Variants in ZMYM2 observed in about 807,000 individuals in gnomAD.
ZMYM2 encodes zinc finger MYM-type containing 2.
A neutral mutation model predicts 162.8 loss-of-function variants in ZMYM2; 56 were observed. That is an observed-to-expected ratio of 0.34 (90% confidence interval 0.28 to 0.43). ZMYM2 has a LOEUF of 0.43. Among genes scored for constraint, ZMYM2 ranks in the 20% least tolerant of loss-of-function variants. ZMYM2 has a pLI of 1.00. For missense variants in ZMYM2, 1,275 were observed against 1,621.8 expected (o/e 0.79, Z 3.67); for synonymous variants, 510 against 541.6 (o/e 0.94, Z 0.81).
intron 19 of ZMYM2, 116 bp downstream of exon 19, chr13:20,064,661 T>C (rs1956531950): frequency 1.8e-6 from 1 of 550,832 alleles, no homozygotes. Context: ...GGTTGGAAAA[T>C]AATTTATTTT....
intron 12 of ZMYM2, among the ~76,000 whole-genome samples, chr13:20,042,477 A>G (rs1954350030): frequency 6.6e-6 from 1 of 152,026 alleles, no homozygotes; most frequent in Non-Finnish European, 1.5e-5. Context: ...CCTTGGATTG[A>G]GTTTCAGTGT....
chr13:19,974,098 C>G (rs1245316463), intron 2 of ZMYM2, among the ~76,000 whole-genome samples: 2 of 152,134 alleles, frequency 1.3e-5, no homozygotes, highest in Non-Finnish European at 2.9e-5. Flanking sequence ...CTAATCAAAT[C>G]CCAGTATATT....
chr13:20,056,342 A>T (rs1484890358), intron 14 of ZMYM2, among the ~76,000 whole-genome samples: 1 of 152,204 alleles, frequency 6.6e-6, no homozygotes, highest in Non-Finnish European at 1.5e-5. Context: ...CTTAGCCTTC[A>T]AAGTTTTATT....
the ZMYM2 span, among the ~76,000 whole-genome samples, chr13:19,948,062 A>G: frequency 6.6e-6 from 1 of 152,154 alleles, no homozygotes; most frequent in Non-Finnish European, 1.5e-5. Context: ...AGATACCACT[A>G]TATACCTATC....
chr13:20,003,166 T>C lies in ZMYM2; in HGVS notation c.1133+31T>C, dbSNP rs577616940. On this transcript the variant is annotated intron_variant, in intron 4 of 24. Coordinates refer to ENST00000610343, the MANE Select transcript of ZMYM2 (RefSeq NM_197968.4). Reference sequence around the variant, plus strand: ...GTTTACCTTTCAACATAATTACATATAGTTGAATTTTGGAGTTGTAAAATT... The same window carrying C: ...GTTTACCTTTCAACATAATTACATACAGTTGAATTTTGGAGTTGTAAAATT... 4.4e-6 allele frequency: 7 copies of C among 1,577,836 alleles called. No individual in the cohort carries two copies. In the African/African-American group the frequency reaches 9.5e-5, roughly 22 times the overall value.
chr13:19,896,673 C>T, the ZMYM2 span, among the ~76,000 whole-genome samples: 2 of 145,366 alleles, frequency 1.4e-5, no homozygotes, highest in African/African-American at 5.2e-5. Flanking sequence ...AGGAGGATGG[C>T]GAGAACCTGG....
chr13:19,891,001 A>T, the ZMYM2 span, among the ~76,000 whole-genome samples: 164 of 152,050 alleles, frequency 1.1e-3, 3 homozygotes, highest in African/African-American at 3.9e-3. Flanking sequence ...CTACTTTGTA[A>T]AATTGGAGAT....
chr13:19,935,969 G>A, the ZMYM2 span, among the ~76,000 whole-genome samples: 3 of 152,134 alleles, frequency 2.0e-5, no homozygotes, highest in East Asian at 1.9e-4. Flanking sequence ...ATCAGAAAAC[G>A]TTATGCTAGT....
At chr13:19,884,421 CA>C in the ZMYM2 span, among the ~76,000 whole-genome samples, 1 of 151,954 alleles carries the variant, frequency 6.6e-6, no homozygotes, top group Non-Finnish European at 1.5e-5. Context: ...ACTAACGATA[CA>C]AAAAAATAAG....
chr13:20,059,569 C>A lies in ZMYM2; in HGVS notation c.2739+7C>A. 8.9e-7 allele frequency: 1 copy of A among 1,124,150 alleles called. No homozygotes were observed. The highest frequency in any genetic ancestry group is 1.2e-5 in the South Asian group (1 of 81,038). The allele number at this position is 1,124,150 out of a possible 1,614,324, so 69.6% of individuals were successfully genotyped here. On this transcript the variant is annotated splice_region_variant and intron_variant, in intron 16 of 24. Coordinates refer to ENST00000610343, the MANE Select transcript of ZMYM2 (RefSeq NM_197968.4). ...TACTACAGTTCCTGTTCCTGTAAGT[C>A]ACATTTTAAGTTCTTTCTCATTTTG...
the ZMYM2 span, among the ~76,000 whole-genome samples, chr13:19,917,978 G>A: frequency 6.6e-6 from 1 of 152,024 alleles, no homozygotes; most frequent in Admixed American, 6.6e-5. Flanking sequence ...GATCACTTGA[G>A]TCCGGGAGAT....
chr13:19,920,453 G>A, the ZMYM2 span, among the ~76,000 whole-genome samples: 6 of 151,752 alleles, frequency 4.0e-5, no homozygotes, highest in South Asian at 1.3e-3. Flanking sequence ...AGCAGGCAGA[G>A]TTTTGTATCA....
chr13:20,085,812 G>A lies in ZMYM2; in HGVS notation c.3942-10G>A, dbSNP rs181045312. On this transcript the variant is annotated splice_polypyrimidine_tract_variant and intron_variant, in intron 24 of 24. Coordinates refer to ENST00000610343, the MANE Select transcript of ZMYM2 (RefSeq NM_197968.4). Reference sequence around the variant, plus strand: ...ATTGACTTTTTCTCTTTTTCCTCCCGCCTCCAAAGTCCACAGAATCTTAAT... The same window carrying A: ...ATTGACTTTTTCTCTTTTTCCTCCCACCTCCAAAGTCCACAGAATCTTAAT... 147 of 1,564,072 alleles carry A rather than the reference G, an allele frequency of 9.4e-5. No homozygotes were observed. The Admixed American group carries it at 9.9e-4, about 10-fold the overall frequency.
intron 6 of ZMYM2, among the ~76,000 whole-genome samples, chr13:20,014,375 A>G (rs2140097946): frequency 6.6e-6 from 1 of 152,240 alleles, no homozygotes; most frequent in Middle Eastern, 3.4e-3. Flanking sequence ...CCCGGCCAGG[A>G]CATTTTTGAT....
intron 7 of ZMYM2, chr13:20,019,848 C>G (rs1046245346): frequency 2.2e-6 from 1 of 457,936 alleles, no homozygotes; most frequent in Non-Finnish European, 4.0e-6. Flanking sequence ...TATTTATGTT[C>G]TTAGGAAATT....
At chr13:19,962,515 A>ATT (rs1166788980) in intron 2 of ZMYM2, among the ~76,000 whole-genome samples, 621 of 39,022 alleles carry the variant, frequency 0.016, 45 homozygotes, top group East Asian at 0.086. Flanking sequence ...ATATATATAT[A>ATT]TTTTTTTTTT....
the ZMYM2 span, among the ~76,000 whole-genome samples, chr13:19,952,094 T>C: frequency 0.012 from 1,796 of 152,204 alleles, 12 homozygotes; most frequent in Middle Eastern, 0.021. Flanking sequence ...ACAACATGGA[T>C]GAACCTGAAG....
At chr13:20,072,877 A>T (rs1957194760) in intron 21 of ZMYM2, among the ~76,000 whole-genome samples, 1 of 150,674 alleles carries the variant, frequency 6.6e-6, no homozygotes, top group Admixed American at 6.6e-5. Flanking sequence ...TTCATTCCTG[A>T]TACTGGTAAT....
At chr13:19,945,659 G>A in the ZMYM2 span, among the ~76,000 whole-genome samples, 1 of 152,010 alleles carries the variant, frequency 6.6e-6, no homozygotes, top group Non-Finnish European at 1.5e-5. Flanking sequence ...TCTACCTTTT[G>A]TGAAGCTTCT....
Sources: gnomAD v4.1 joint callset for allele counts (sites outside exome capture counted in the v4.1 genomes callset) on GRCh38, gnomAD v4.1.1 for gene constraint, MANE v1.5 for transcripts, NCBI Gene and HGNC (gene_info 2026-07-23, HGNC 2026-07-21) for gene names.